Variants in PDGFRA observed in about 807,000 individuals in gnomAD.
PDGFRA encodes platelet-derived growth factor receptor alpha.
In PDGFRA, 25 loss-of-function variants were observed where a neutral mutation model predicts 121.5. The observed-to-expected ratio is 0.21, with a 90% CI of 0.15 to 0.29. PDGFRA has a LOEUF of 0.29. Ranked by LOEUF, PDGFRA falls within the 10% of genes least tolerant of loss-of-function variation. The pLI, the probability that PDGFRA is intolerant of heterozygous loss-of-function variation, is 1.00. For synonymous variants in PDGFRA, 463 were observed against 494.8 expected, an observed-to-expected ratio of 0.94 and a Z score of 0.85; for missense variants, 1,008 against 1,345.1, an observed-to-expected ratio of 0.75 and a Z score of 3.92.
rs367742684 is a variant in PDGFRA, at chr4:54,245,076, C to T, written c.-12-13681C>T. 6.2e-3 allele frequency among the ~76,000 whole-genome samples: 948 copies of T among 152,240 alleles called. 6 individuals are homozygous for T. Among genetic ancestry groups the T allele is most frequent in the Middle Eastern group, 0.051 (15 of 294 alleles). ...AGAAATATGGGACTATGTGAAAAGA[C>T]CAAATCTACGTCTGATTGGTGTACC... On this transcript the variant is annotated intron_variant, in intron 1 of 22. Transcript: ENST00000257290.
At chr4:54,234,285 A>T (rs1720883897) in intron 1 of PDGFRA, among the ~76,000 whole-genome samples, 1 of 152,304 alleles carries the variant, frequency 6.6e-6, no homozygotes, top group Non-Finnish European at 1.5e-5. Flanking sequence ...GCGGGCTTTC[A>T]ACTGAGGTCA....
intron 16 of PDGFRA, chr4:54,281,779 C>T (rs904236230): frequency 1.5e-4 from 196 of 1,326,854 alleles, no homozygotes; most frequent in Non-Finnish European, 4.8e-5. Context: ...CCTTCTTCCT[C>T]GAAAACCCTG....
chr4:54,292,285 T>G (rs767591951), intron 22 of PDGFRA, among the ~76,000 whole-genome samples: 1 of 152,146 alleles, frequency 6.6e-6, no homozygotes, highest in South Asian at 2.1e-4. Flanking sequence ...CCATCAATGA[T>G]AGACTGGATA....
rs532326653 is a variant in PDGFRA at position 54,242,157 on chromosome 4, C to T, written c.-13+12742C>T. Among the ~76,000 whole-genome samples, 2 of 152,244 alleles carry T rather than the reference C, an allele frequency of 1.3e-5. 1 individual carries two copies. Among genetic ancestry groups the T allele is most frequent in the South Asian group, 4.2e-4 (2 of 4,818 alleles). On this transcript the variant is annotated intron_variant, in intron 1 of 22. Transcript: ENST00000257290. ...TCATGGTGGTGGCCTGGGTTCAGTT[C>T]CTGGCTTAGAGAATGAGAGGTTTCC... is the stretch of plus-strand genomic sequence containing the variant.
chr4:54,264,850 AAC>A (rs2110256895), intron 4 of PDGFRA, 67 bp from the exon 5 acceptor site: 2 of 1,447,792 alleles, frequency 1.4e-6, no homozygotes, highest in Non-Finnish European at 1.9e-6. Context: ...AAAAAAAAAA[AAC>A]CCAAACTTTA....
chr4:54,290,253 A>G (rs1203800163), intron 21 of PDGFRA, 60 bp from the exon 22 acceptor site: 6 of 1,344,700 alleles, frequency 4.5e-6, no homozygotes, highest in South Asian at 1.2e-5. Flanking sequence ...GAGTGTCTCT[A>G]TTCATTTTTG....
intron 1 of PDGFRA, among the ~76,000 whole-genome samples, chr4:54,249,427 A>G (rs1721911113): frequency 6.6e-6 from 1 of 152,236 alleles, no homozygotes; most frequent in Non-Finnish European, 1.5e-5. Context: ...AATGTGGCAC[A>G]TATACACCAT....
intron 16 of PDGFRA, chr4:54,280,743 C>A: frequency 1.1e-5 from 3 of 274,818 alleles, no homozygotes; most frequent in East Asian, 6.2e-5. Flanking sequence ...TGGTGTGTTC[C>A]TGCAGTAAAC....
At chr4:54,246,304 C>T (rs1015343933) in intron 1 of PDGFRA, among the ~76,000 whole-genome samples, 2 of 152,116 alleles carry the variant, frequency 1.3e-5, no homozygotes, top group African/African-American at 4.8e-5. Flanking sequence ...CAAAATTGAC[C>T]ACATAGTTGG....
chr4:54,252,919 A>G (rs1722137191), intron 1 of PDGFRA, among the ~76,000 whole-genome samples: 1 of 151,288 alleles, frequency 6.6e-6, no homozygotes. Context: ...TTATAGAGTC[A>G]TGTCCAATGG....
At chr4:54,261,544 A>G (rs1339179351) in intron 3 of PDGFRA, 132 bp downstream of exon 3, 1 of 596,610 alleles carries the variant, frequency 1.7e-6, no homozygotes, top group African/African-American at 1.9e-5. Flanking sequence ...AAGCGAACAC[A>G]CACAAAAATC....
At chr4:54,243,275 T>G (rs1359819424) in intron 1 of PDGFRA, among the ~76,000 whole-genome samples, 1 of 152,192 alleles carries the variant, frequency 6.6e-6, no homozygotes, top group African/African-American at 2.4e-5. Flanking sequence ...GATCACTTAC[T>G]TATCAGGTTT....
rs2110297275 is a variant in PDGFRA at position 54,274,641 on chromosome 4, TA to T, written c.1653+20del. Reference sequence around the variant, plus strand: ...TTGGAAACAGGTAGATATTTTCTCATAAAACTAAAGATCTTTGAAGCCAATG... The same window carrying T: ...TTGGAAACAGGTAGATATTTTCTCATAAACTAAAGATCTTTGAAGCCAATG... On this transcript the variant is annotated intron_variant, in intron 11 of 22. Transcript: ENST00000257290. The T allele has an allele frequency of 6.3e-7, 1 of 1,590,350 alleles. No individual in the cohort carries two copies. The highest frequency in any genetic ancestry group is 1.1e-5 in the South Asian group (1 of 90,654).
At chr4:54,290,854 T>C (rs1246309872) in intron 22 of PDGFRA, among the ~76,000 whole-genome samples, 1 of 152,200 alleles carries the variant, frequency 6.6e-6, no homozygotes, top group African/African-American at 2.4e-5. Flanking sequence ...AGAACTGTGA[T>C]TACTGAGATC....
intron 16 of PDGFRA, among the ~76,000 whole-genome samples, chr4:54,282,270 T>C (rs1357155219): frequency 6.6e-6 from 1 of 152,190 alleles, no homozygotes; most frequent in Non-Finnish European, 1.5e-5. Context: ...AATTAGTTCA[T>C]GATTCTGCAG....
intron 16 of PDGFRA, 132 bp from the exon 17 acceptor site, chr4:54,285,239 C>A: frequency 2.9e-6 from 2 of 680,810 alleles, no homozygotes; most frequent in South Asian, 1.6e-5. Flanking sequence ...TAGTGATATT[C>A]ATCTGTGAGA....
intron 16 of PDGFRA, among the ~76,000 whole-genome samples, chr4:54,284,795 T>G (rs1201672585): frequency 1.9e-5 from 1 of 52,488 alleles, no homozygotes; most frequent in Non-Finnish European, 4.4e-5. Flanking sequence ...CCAAACTATA[T>G]CATTGCGTGT....
Position 54,298,013 on chromosome 4 carries a change from A to G in PDGFRA, c.*2741A>G. On this transcript the variant is annotated 3_prime_UTR_variant, in exon 23 of 23. Transcript: ENST00000257290. ...TTTTTTTAACTGTGATAATCCCCAC[A>G]GGCACATTAACTGTTGCACTTTTGA... 4.3e-6 allele frequency: 1 copy of G among 230,960 alleles called. No individual in the cohort carries two copies. The highest frequency in any genetic ancestry group is 6.2e-5 in the East Asian group (1 of 16,154). 14.3% of individuals were successfully genotyped at this position (230,960 alleles called of 1,614,324 possible).
At position 54,263,700 on chromosome 4, in the gene PDGFRA, C is replaced by T. The variant is rs373126818; in HGVS notation, c.401C>T (p.Thr134Met). The T allele has an allele frequency of 2.0e-5, 33 of 1,613,604 alleles. No homozygotes were observed. The highest frequency in any genetic ancestry group is 2.7e-5 in the Non-Finnish European group (32 of 1,179,704). Reference sequence around the variant, plus strand: ...GTAGCCTTTGTACCTCTAGGAATGACGGATTATTTAGTCATCGTGGAGGAT... The same window carrying T: ...GTAGCCTTTGTACCTCTAGGAATGATGGATTATTTAGTCATCGTGGAGGAT... ...PDVAFVPLGM[T>M]DYLVIVEDDD... The change falls in exon 4 of 23, where the codon ACG becomes ATG. Residue 134 changes from threonine to methionine, a missense_variant. By Grantham distance (81) the Thr-to-Met change is moderately conservative (BLOSUM62 -1). Transcript: ENST00000257290.
Sources: allele counts gnomAD v4.1 joint callset (sites outside exome capture counted in the v4.1 genomes callset), GRCh38; gene constraint gnomAD v4.1.1; transcripts MANE v1.5; gene names NCBI Gene and HGNC (gene_info 2026-07-23, HGNC 2026-07-21).